Variants in CBFA2T3 observed in about 807,000 individuals in gnomAD.
The protein encoded by CBFA2T3 is transcriptional corepressor CBFA2T3.
In CBFA2T3, 31 loss-of-function variants were observed where a neutral mutation model predicts 58.6. The observed-to-expected ratio is 0.53, with a 90% CI of 0.40 to 0.71. The LOEUF is 0.71. CBFA2T3 is among the 30% of genes least tolerant of loss of function. CBFA2T3 has a pLI of 0.00. For missense variants in CBFA2T3, 1,076 were observed against 963.1 expected, an observed-to-expected ratio of 1.12 and a Z score of -1.55; for synonymous variants, 531 against 421.9, an observed-to-expected ratio of 1.26 and a Z score of -3.17.
At chr16:88,960,335 A>G (rs1303154361) in intron 1 of CBFA2T3, among the ~76,000 whole-genome samples, 1 of 152,208 alleles carries the variant, frequency 6.6e-6, no homozygotes, top group East Asian at 1.9e-4. Context: ...GCCAGGTGCC[A>G]GGTCGACGGG....
In CBFA2T3 at chr16:88,976,794, C is replaced by G. The variant is rs1430279436; in HGVS notation, c.14G>C (p.Arg5Thr). MPAS[R>T]LRDRAASSAS... Reference sequence around the variant, plus strand: ...TGAACTGGCTGCCCTGTCCCTCAGTCTTGAAGCCGGCATGAGGAGGGCCAC... The same window carrying G: ...TGAACTGGCTGCCCTGTCCCTCAGTGTTGAAGCCGGCATGAGGAGGGCCAC... The change falls in exon 1 of 12, where the codon AGA (arginine) becomes ACA (threonine). Residue 5 changes from arginine (R) to threonine (T), a missense_variant. Physicochemically the swap from Arg to Thr is moderately conservative, Grantham distance 71. Coordinates refer to ENST00000268679, the MANE Select transcript of CBFA2T3 (RefSeq NM_005187.6). 6.4e-7 allele frequency: 1 copy of G among 1,554,108 alleles called. No individual in the cohort carries two copies. Among genetic ancestry groups the G allele is most frequent in the Admixed American group, 1.9e-5 (1 of 51,346 alleles).
chr16:88,924,390 C>G (rs772008620), intron 1 of CBFA2T3, among the ~76,000 whole-genome samples: 1 of 152,158 alleles, frequency 6.6e-6, no homozygotes, highest in Non-Finnish European at 1.5e-5. Flanking sequence ...CTAGACTCTG[C>G]TGAGACAAAA....
At chr16:88,884,049 A>C (rs1380025935) in intron 7 of CBFA2T3, 1 of 152,234 alleles carries the variant, frequency 6.6e-6, no homozygotes, top group Non-Finnish European at 1.5e-5. Flanking sequence ...GCCGCCTGTG[A>C]AGCTGCAGCT....
Position 88,928,922 on chromosome 16 carries a change from T to A in CBFA2T3, c.152-27266A>T, listed in dbSNP as rs187425099. Among the ~76,000 whole-genome samples, 663 of 152,196 alleles carry A rather than the reference T, an allele frequency of 4.4e-3. 2 individuals are homozygous for A. The highest frequency in any genetic ancestry group is 7.3e-3 in the Admixed American group (112 of 15,292). Reference sequence around the variant, plus strand: ...GGCCAGCAGCGCAAAGGCCCTGAACTGCAGCCAGGCACGGTGGGCCAGCAG... The same window carrying A: ...GGCCAGCAGCGCAAAGGCCCTGAACAGCAGCCAGGCACGGTGGGCCAGCAG... On this transcript the variant is annotated intron_variant, in intron 1 of 11. Coordinates refer to ENST00000268679, the MANE Select transcript of CBFA2T3 (RefSeq NM_005187.6).
intron 1 of CBFA2T3, among the ~76,000 whole-genome samples, chr16:88,932,156 GCCCCTCACACGGCCCCTGCTTC>G (rs1460339539): frequency 0.026 from 3,708 of 144,106 alleles, 294 homozygotes; most frequent in African/African-American, 0.079. Context: ...CTGCCAGGTG[GCCCCTCACACGGCCCCTGCTTC>G]CCCCTCACAC....
intron 5 of CBFA2T3, among the ~76,000 whole-genome samples, chr16:88,891,581 A>G (rs1299883957): frequency 1.3e-5 from 2 of 152,222 alleles, no homozygotes; most frequent in African/African-American, 4.8e-5. Flanking sequence ...AACGGCAACC[A>G]GAGGCGAACC....
rs549903041 is a variant in CBFA2T3 at position 88,958,341 on chromosome 16, A to C, written c.151+18316T>G. ...TCAAGAGCCCAAAGCTCCCAGGGAGAAGTTGAGGTTGATGTGGTCACCTCG... is the reference window on the plus strand; with the variant it reads ...TCAAGAGCCCAAAGCTCCCAGGGAGCAGTTGAGGTTGATGTGGTCACCTCG... On this transcript the variant is annotated intron_variant, in intron 1 of 11. Coordinates refer to ENST00000268679, the MANE Select transcript of CBFA2T3 (RefSeq NM_005187.6). This position sits in a 1 kb window ranked among gnomAD's most constrained non-coding sequence, Gnocchi z 4.0. Among the ~76,000 whole-genome samples, 510 of 152,120 alleles carry C rather than the reference A, an allele frequency of 3.4e-3. 1 individual carries two copies. Among genetic ancestry groups the C allele is most frequent in the Middle Eastern group, 0.01 (3 of 294 alleles).
Position 88,879,143 on chromosome 16 carries a change from C to T in CBFA2T3, c.1662+127G>A, listed in dbSNP as rs936908009. The T allele has an allele frequency of 3.6e-4, 290 of 797,716 alleles. 2 individuals carry two copies. The highest frequency in any genetic ancestry group is 5.8e-4 in the Admixed American group (25 of 43,376). 49.4% of individuals were successfully genotyped at this position (797,716 alleles called of 1,614,324 possible). A position where few individuals can be genotyped will look rare whatever the true frequency, so the allele number is the denominator to read the frequency against. On this transcript the variant is annotated intron_variant, in intron 11 of 11. Transcript: ENST00000268679. ...CACAGTGTGGGCGGGGATGGCGTGC[C>T]TGCTGCAGGATGCCCGTGACAACTG...
intron 1 of CBFA2T3, chr16:88,941,240 G>A (rs1317574261): frequency 3.2e-6 from 3 of 923,300 alleles, no homozygotes; most frequent in Non-Finnish European, 3.9e-6. Context: ...CACCCCGCGC[G>A]GGAACAAAGC....
intron 1 of CBFA2T3, chr16:88,950,112 C>T: frequency 4.5e-6 from 2 of 449,182 alleles, no homozygotes; most frequent in South Asian, 3.1e-5. Flanking sequence ...CCTCTCCCGT[C>T]TCTCTTCACC....
rs116176800 is a variant in CBFA2T3, at chr16:88,897,319, G to A, written c.379+759C>T. On this transcript the variant is annotated intron_variant, in intron 3 of 11. Transcript: ENST00000268679. ...AACGCACAGTTGTTCTGCTGCCCTC[G>A]TTCTTAGAGCCGGGAGTGCCACGAC... Among the ~76,000 whole-genome samples, 172 of 152,344 alleles carry A rather than the reference G, an allele frequency of 1.1e-3. 2 individuals carry two copies. The highest frequency in any genetic ancestry group is 3.8e-3 in the African/African-American group (156 of 41,572).
At chr16:88,889,581 A>T (rs916909149) in intron 5 of CBFA2T3, among the ~76,000 whole-genome samples, 8 of 151,986 alleles carry the variant, frequency 5.3e-5, no homozygotes, top group Admixed American at 2.6e-4. Context: ...CCTGGGGGGA[A>T]CCCAGAGCCT....
intron 1 of CBFA2T3, among the ~76,000 whole-genome samples, chr16:88,924,527 C>T (rs550817256): frequency 1.1e-3 from 172 of 152,118 alleles, no homozygotes; most frequent in African/African-American, 3.9e-3. Context: ...GCGGAGGGCC[C>T]AGTGGTGGCT....
rs1968852999 is a variant in CBFA2T3, at chr16:88,876,920, T to C, written c.*56A>G. ...GGCCAGGCACAGCATCCGGTGGGCC[T>C]GGAGCTGGGTGGGGTTGGCACGGTG... On this transcript the variant is annotated 3_prime_UTR_variant, in exon 12 of 12. Coordinates refer to ENST00000268679, the MANE Select transcript of CBFA2T3 (RefSeq NM_005187.6). The C allele has an allele frequency of 3.8e-6, 5 of 1,299,576 alleles. No individual in the cohort carries two copies. In the African/African-American group the frequency reaches 6.3e-5, roughly 16 times the overall value. The allele number at this position is 1,299,576 out of a possible 1,614,324, so 80.5% of individuals were successfully genotyped here.
chr16:88,965,337 G>C lies in CBFA2T3; in HGVS notation c.151+11320C>G, dbSNP rs58884651. On this transcript the variant is annotated intron_variant, in intron 1 of 11. Coordinates refer to ENST00000268679, the MANE Select transcript of CBFA2T3 (RefSeq NM_005187.6). ...AAATGTGCAGATTTTCATAAGACCA[G>C]ATGCCAAACACTGGTAACATATTAG... 1.1e-3 allele frequency among the ~76,000 whole-genome samples: 166 copies of C among 152,348 alleles called. 1 individual carries two copies. Among genetic ancestry groups the C allele is most frequent in the African/African-American group, 3.9e-3 (162 of 41,578 alleles).
At chr16:88,947,285 C>T (rs1320365525) in intron 1 of CBFA2T3, among the ~76,000 whole-genome samples, 1 of 152,162 alleles carries the variant, frequency 6.6e-6, no homozygotes, top group Non-Finnish European at 1.5e-5. Flanking sequence ...AAAAATTCAG[C>T]AGACAAAAAT....
chr16:88,912,823 T>C (rs1453824265), intron 1 of CBFA2T3, among the ~76,000 whole-genome samples: 1 of 152,230 alleles, frequency 6.6e-6, no homozygotes, highest in Non-Finnish European at 1.5e-5. Context: ...AATCGAGGCC[T>C]GTCCCCTCTG....
chr16:88,895,882 C>T (rs1473337886), intron 3 of CBFA2T3, among the ~76,000 whole-genome samples: 2 of 152,186 alleles, frequency 1.3e-5, no homozygotes, highest in Non-Finnish European at 2.9e-5. Context: ...TCAGACTCGG[C>T]GCCTAGCCTC....
chr16:88,915,676 AGGGGGAGCGTCGAC>A (rs1334950476), intron 1 of CBFA2T3, among the ~76,000 whole-genome samples: 1 of 53,230 alleles, frequency 1.9e-5, no homozygotes, highest in African/African-American at 8.0e-5. Context: ...GGGAGTGTGG[AGGGGGAGCGTCGAC>A]GGGGGAGCGT....
Sources: allele counts gnomAD v4.1 joint callset (sites outside exome capture counted in the v4.1 genomes callset), GRCh38; gene constraint gnomAD v4.1.1; non-coding constraint Gnocchi (gnomAD v3.1); transcripts MANE v1.5; gene names NCBI Gene and HGNC (gene_info 2026-07-23, HGNC 2026-07-21).